USP25: variants seen among roughly 807,000 people sequenced by gnomAD.
USP25 encodes ubiquitin specific peptidase 25, also known as ubiquitin carboxyl-terminal hydrolase 25.
A neutral mutation model predicts 158.5 loss-of-function variants in USP25; 85 were observed. The observed-to-expected ratio is 0.54, with a 90% CI of 0.45 to 0.64. USP25 has a LOEUF of 0.64. Ranked by LOEUF, USP25 falls within the 30% of genes least tolerant of loss-of-function variation. The pLI is 0.00. For synonymous variants in USP25, 464 were observed against 460.4 expected, an observed-to-expected ratio of 1.01 and a Z score of -0.10; for missense variants, 1,242 against 1,327.3, an observed-to-expected ratio of 0.94 and a Z score of 1.00.
At chr21:15,849,028 A>G (rs1026980514) in intron 19 of USP25, among the ~76,000 whole-genome samples, 1 of 152,156 alleles carries the variant, frequency 6.6e-6, no homozygotes, top group Non-Finnish European at 1.5e-5. Context: ...TAATGGCTCT[A>G]CATTGTTCTA....
chr21:15,799,759 ATTAT>A lies in USP25; in HGVS notation c.562_565del (p.Phe188IlefsTer8). The stretch of plus-strand genomic sequence containing the variant: ...GTTAAATTGTTGTTCTTTTTCAGTC[ATTAT>A]TTAATCTTTTGGAATTTAGAAGATT... On this transcript the variant is annotated frameshift_variant, in exon 6 of 26. Coordinates refer to ENST00000400183, the MANE Select transcript of USP25 (RefSeq NM_001283041.3). LOFTEE classifies it high-confidence loss of function. The A allele has an allele frequency of 5.0e-6, 8 of 1,584,474 alleles. No individual in the cohort carries two copies. The highest frequency in any genetic ancestry group is 6.9e-6 in the Non-Finnish European group (8 of 1,163,612).
At chr21:15,739,928 T>C (rs988838970) in intron 1 of USP25, among the ~76,000 whole-genome samples, 45 of 152,334 alleles carry the variant, frequency 3.0e-4, no homozygotes, top group Non-Finnish European at 5.0e-4. Flanking sequence ...GTTTTATGTA[T>C]GTAGTAAGTA....
intron 1 of USP25, among the ~76,000 whole-genome samples, chr21:15,738,570 C>T (rs1486188381): frequency 1.3e-5 from 2 of 152,140 alleles, no homozygotes; most frequent in Non-Finnish European, 2.9e-5. Flanking sequence ...TATGCAAATG[C>T]AGTGGTCTTT....
At chr21:15,730,999 T>TTTTTTTTC (rs1170527971) in intron 1 of USP25, among the ~76,000 whole-genome samples, 17 of 143,906 alleles carry the variant, frequency 1.2e-4, no homozygotes, top group African/African-American at 4.1e-4. Flanking sequence ...TTTTTTTTTT[T>TTTTTTTTC]TTCAATATAG....
intron 1 of USP25, among the ~76,000 whole-genome samples, chr21:15,741,214 T>C (rs1219596586): frequency 6.6e-6 from 1 of 152,080 alleles, no homozygotes; most frequent in Admixed American, 6.6e-5. Context: ...CATGTATCAA[T>C]ATGTTTCTTT....
At chr21:15,762,040 G>GT (rs575171862) in intron 1 of USP25, among the ~76,000 whole-genome samples, 359 of 152,010 alleles carry the variant, frequency 2.4e-3, no homozygotes, top group African/African-American at 8.3e-3. Flanking sequence ...TAAATATTCT[G>GT]TTCCTGATCA....
chr21:15,773,086 C>T (rs796926304), intron 3 of USP25, among the ~76,000 whole-genome samples: 4 of 152,318 alleles, frequency 2.6e-5, no homozygotes, highest in African/African-American at 9.6e-5. Flanking sequence ...GATTGTTAGT[C>T]TCTGGTCTCA....
chr21:15,792,812 T>G (rs989871400), intron 5 of USP25, among the ~76,000 whole-genome samples: 5 of 151,722 alleles, frequency 3.3e-5, no homozygotes. Context: ...TATGCTGTGG[T>G]GCATCCTAAT....
intron 20 of USP25, among the ~76,000 whole-genome samples, chr21:15,854,968 T>C (rs2039065663): frequency 6.6e-6 from 1 of 152,188 alleles, no homozygotes; most frequent in Non-Finnish European, 1.5e-5. Flanking sequence ...GATTCTGTTG[T>C]GTAAAAATGA....
chr21:15,832,482 G>C (rs530978197), intron 16 of USP25, among the ~76,000 whole-genome samples: 7 of 152,260 alleles, frequency 4.6e-5, no homozygotes, highest in African/African-American at 1.7e-4. Flanking sequence ...TAGAAGTTCA[G>C]TAATTCTTCT....
At chr21:15,835,539 T>TA (rs2038024614) in intron 17 of USP25, among the ~76,000 whole-genome samples, 1 of 152,174 alleles carries the variant, frequency 6.6e-6, no homozygotes, top group African/African-American at 2.4e-5. Context: ...TTGTAATTTT[T>TA]AAAAAATGCA....
intron 1 of USP25, among the ~76,000 whole-genome samples, chr21:15,737,557 C>T (rs2031638952): frequency 1.3e-5 from 2 of 151,938 alleles, no homozygotes; most frequent in Admixed American, 6.6e-5. Context: ...TGATTTATTG[C>T]ATCTATATCA....
chr21:15,808,651 A>G (rs895709077), intron 7 of USP25, among the ~76,000 whole-genome samples, 158 bp from the exon 8 acceptor site: 2 of 152,112 alleles, frequency 1.3e-5, no homozygotes, highest in African/African-American at 4.8e-5. Flanking sequence ...GTTAAATTAT[A>G]AAAGTTTCTT....
chr21:15,797,598 A>G (rs2035922785), intron 5 of USP25, among the ~76,000 whole-genome samples: 2 of 151,362 alleles, frequency 1.3e-5, no homozygotes, highest in Non-Finnish European at 3.0e-5. Context: ...GGAAGTTCTA[A>G]GTATCCAGGA....
intron 20 of USP25, among the ~76,000 whole-genome samples, chr21:15,857,279 C>T (rs1169278694): frequency 2.0e-5 from 3 of 152,132 alleles, no homozygotes; most frequent in African/African-American, 7.2e-5. Context: ...ATTGTTGTTG[C>T]TGAATATTTG....
chr21:15,872,700 G>A (rs1166819186), intron 23 of USP25, among the ~76,000 whole-genome samples: 3 of 152,092 alleles, frequency 2.0e-5, no homozygotes, highest in African/African-American at 7.2e-5. Context: ...TTCAAAAAAT[G>A]TATAAAATAG....
At chr21:15,862,538 TTTGA>T (rs1192264549) in intron 20 of USP25, among the ~76,000 whole-genome samples, 1 of 151,396 alleles carries the variant, frequency 6.6e-6, no homozygotes, top group Non-Finnish European at 1.5e-5. Flanking sequence ...TTCTTCCTAC[TTTGA>T]TTATTATGTT....
rs993322360 is a variant in USP25, at chr21:15,875,300, TC to T, written c.3009+776del. Among the ~76,000 whole-genome samples, 2 of 152,220 alleles carry T rather than the reference TC, an allele frequency of 1.3e-5. No homozygotes were observed. The highest frequency in any genetic ancestry group is 2.4e-5 in the African/African-American group (1 of 41,444). On this transcript the variant is annotated intron_variant, in intron 24 of 25. Transcript: ENST00000400183. The surrounding 1 kb of genome is among the most constrained non-coding windows in gnomAD (Gnocchi z 4.7). The stretch of plus-strand genomic sequence containing the variant: ...ATACATAGAACCAAAACCTGATGGT[TC>T]CTCTGAAACCTTCAAAAAATGGTAT...
chr21:15,818,626 A>T, intron 9 of USP25, 72 bp from the exon 10 acceptor site: 1 of 1,346,486 alleles, frequency 7.4e-7, no homozygotes, highest in Non-Finnish European at 1.0e-6. Context: ...TCAGGTGAGA[A>T]TCCTTACGTA....
Sources: allele counts gnomAD v4.1 joint callset (sites outside exome capture counted in the v4.1 genomes callset), GRCh38; gene constraint gnomAD v4.1.1; non-coding constraint Gnocchi (gnomAD v3.1); transcripts MANE v1.5; gene names NCBI Gene and HGNC (gene_info 2026-07-23, HGNC 2026-07-21).